The following SLC9C1 variants were observed in gnomAD, a reference collection of about 807,000 sequenced individuals.
SLC9C1 encodes the protein sodium/hydrogen exchanger 10.
Under a neutral mutation model 140.9 loss-of-function variants are expected in SLC9C1, and 97 were observed. The observed-to-expected ratio is 0.69, with a 90% CI of 0.58 to 0.82. The LOEUF (loss-of-function observed/expected upper bound fraction) is 0.82, where lower values mean the gene tolerates loss of function less well. SLC9C1 is among the 40% of genes least tolerant of loss of function. The pLI, the probability that SLC9C1 is intolerant of heterozygous loss-of-function variation, is 0.00. For synonymous variants in SLC9C1, 440 were observed against 442.6 expected (o/e 0.99, Z 0.07); for missense variants, 1,340 against 1,389.3 (o/e 0.96, Z 0.56).
intron 15 of SLC9C1, among the ~76,000 whole-genome samples, chr3:112,209,190 T>C (rs185202423): frequency 7.5e-6 from 1 of 132,776 alleles, no homozygotes; most frequent in East Asian, 2.4e-4. Flanking sequence ...CCCAGAAGCT[T>C]TTACAATTTT....
chr3:112,281,437 C>T (rs1473935711), intron 2 of SLC9C1, among the ~76,000 whole-genome samples: 1 of 152,128 alleles, frequency 6.6e-6, no homozygotes, highest in Non-Finnish European at 1.5e-5. Context: ...AAGCTCTTGG[C>T]ATGGTTGGCT....
chr3:112,291,290 A>C (rs2080674793), intron 1 of SLC9C1, among the ~76,000 whole-genome samples: 1 of 152,218 alleles, frequency 6.6e-6, no homozygotes, highest in Non-Finnish European at 1.5e-5. Flanking sequence ...TAAACTAAAG[A>C]GCTACTGCAC....
At chr3:112,281,229 A>AT (rs1322679426) in intron 2 of SLC9C1, among the ~76,000 whole-genome samples, 4 of 152,142 alleles carry the variant, frequency 2.6e-5, no homozygotes, top group Admixed American at 6.6e-5. Flanking sequence ...CAACTGGTTC[A>AT]TTTTCCTCCT....
intron 28 of SLC9C1, among the ~76,000 whole-genome samples, 199 bp from the exon 29 acceptor site, chr3:112,141,480 G>A (rs2074619696): frequency 6.6e-6 from 1 of 152,100 alleles, no homozygotes; most frequent in Non-Finnish European, 1.5e-5. Context: ...GTGGCAGAAT[G>A]ATTTAACCTA....
intron 17 of SLC9C1, 26 bp downstream of exon 17, chr3:112,204,192 A>T: frequency 1.4e-6 from 2 of 1,443,776 alleles, no homozygotes; most frequent in Non-Finnish European, 1.8e-6. Context: ...AGGAATTAGA[A>T]ATTGCACGAT....
chr3:112,219,006 T>C (rs1232529712), intron 14 of SLC9C1, among the ~76,000 whole-genome samples: 2 of 152,232 alleles, frequency 1.3e-5, no homozygotes, highest in Non-Finnish European at 2.9e-5. Context: ...TTTGTTTTAT[T>C]TTCCTAACCT....
At chr3:112,239,810 A>G (rs2079092031) in intron 12 of SLC9C1, 30 bp downstream of exon 12, 1 of 1,568,442 alleles carries the variant, frequency 6.4e-7, no homozygotes. Context: ...AATCTGCATT[A>G]AAGCAATAAA....
At chr3:112,287,063 G>C (rs1313463546) in intron 1 of SLC9C1, among the ~76,000 whole-genome samples, 185 bp from the exon 2 acceptor site, 3 of 152,128 alleles carry the variant, frequency 2.0e-5, no homozygotes, top group Non-Finnish European at 4.4e-5. Context: ...AAGTGATAGA[G>C]ACTACCAGTG....
chr3:112,217,635 ATGT>A, intron 14 of SLC9C1, 74 bp from the exon 15 acceptor site: 1 of 1,373,020 alleles, frequency 7.3e-7, no homozygotes. Context: ...TGGAAGTTTA[ATGT>A]TGTACATAAG....
chr3:112,167,054 A>G (rs959667063), intron 26 of SLC9C1, among the ~76,000 whole-genome samples, 167 bp downstream of exon 26: 2 of 152,194 alleles, frequency 1.3e-5, no homozygotes, highest in African/African-American at 4.8e-5. Context: ...TAAAAATGTA[A>G]CTTCAATATT....
At chr3:112,165,520 T>G (rs1047573928) in intron 26 of SLC9C1, among the ~76,000 whole-genome samples, 3 of 152,172 alleles carry the variant, frequency 2.0e-5, no homozygotes, top group Non-Finnish European at 4.4e-5. Context: ...TCTGTTGGAG[T>G]TTGCTGGAGG....
At chr3:112,241,512 G>T (rs1350528226) in intron 11 of SLC9C1, among the ~76,000 whole-genome samples, 1 of 152,016 alleles carries the variant, frequency 6.6e-6, no homozygotes, top group Admixed American at 6.6e-5. Context: ...CATTAAAATG[G>T]CCACATTATC....
chr3:112,231,585 A>C, intron 12 of SLC9C1, 99 bp from the exon 13 acceptor site: 1 of 1,164,502 alleles, frequency 8.6e-7, no homozygotes, highest in Non-Finnish European at 1.2e-6. Flanking sequence ...GCATTGAAAA[A>C]TGGTAGCAAA....
At chr3:112,289,280 A>C (rs2080607994) in intron 1 of SLC9C1, among the ~76,000 whole-genome samples, 1 of 152,248 alleles carries the variant, frequency 6.6e-6, no homozygotes, top group Non-Finnish European at 1.5e-5. Context: ...GTATATCAGC[A>C]AAAGAGTGTT....
At chr3:112,267,315 G>T (rs13072156) in intron 7 of SLC9C1, among the ~76,000 whole-genome samples, 1 of 151,504 alleles carries the variant, frequency 6.6e-6, no homozygotes, top group East Asian at 2.0e-4. Flanking sequence ...GGTGGCTCAC[G>T]CCTGTAATCC....
chr3:112,222,557 C>T (rs1041009044), intron 13 of SLC9C1, among the ~76,000 whole-genome samples: 28 of 151,850 alleles, frequency 1.8e-4, no homozygotes, highest in African/African-American at 6.3e-4. Context: ...ATATCACAAG[C>T]GAAAAAGAGG....
At chr3:112,202,420 A>C in intron 17 of SLC9C1, 21 bp from the exon 18 acceptor site, 1 of 1,559,218 alleles carries the variant, frequency 6.4e-7, no homozygotes, top group Non-Finnish European at 8.7e-7. Context: ...CAGGACTTCC[A>C]TTAATATAAA....
intron 15 of SLC9C1, among the ~76,000 whole-genome samples, chr3:112,212,166 TAAC>T (rs894932936): frequency 2.6e-5 from 4 of 152,066 alleles, no homozygotes; most frequent in African/African-American, 9.7e-5. Flanking sequence ...GAAGGAAAAG[TAAC>T]AAACACAAAG....
chr3:112,287,776 G>T (rs1189676346), intron 1 of SLC9C1, among the ~76,000 whole-genome samples: 1 of 152,096 alleles, frequency 6.6e-6, no homozygotes, highest in Non-Finnish European at 1.5e-5. Flanking sequence ...GGCCGGGCAC[G>T]GTGGCTCACG....
Sources: gnomAD v4.1 joint callset for allele counts (sites outside exome capture counted in the v4.1 genomes callset) on GRCh38, gnomAD v4.1.1 for gene constraint, MANE v1.5 for transcripts, NCBI Gene and HGNC (gene_info 2026-07-23, HGNC 2026-07-21) for gene names.